Variants in DOCK4 observed in about 807,000 individuals in gnomAD.
DOCK4 encodes dedicator of cytokinesis protein 4.
DOCK4 carries 97 observed loss-of-function variants against 268.1 expected under a neutral mutation model. The observed-to-expected ratio is 0.36, with a 90% CI of 0.31 to 0.43. DOCK4 has a LOEUF of 0.43. Ranked by LOEUF, DOCK4 falls within the 20% of genes least tolerant of loss-of-function variation. The pLI is 1.00. For missense variants in DOCK4, 2,145 were observed against 2,455.7 expected (o/e 0.87, Z 2.67); for synonymous variants, 954 against 887.2 (o/e 1.08, Z -1.34).
At chr7:112,064,153 C>T (rs886971324) in intron 1 of DOCK4, among the ~76,000 whole-genome samples, 1 of 152,178 alleles carries the variant, frequency 6.6e-6, no homozygotes, top group Non-Finnish European at 1.5e-5. Flanking sequence ...ATGGCAGCAG[C>T]TTTGTGGATC....
chr7:112,099,126 C>CA (rs11375540), intron 1 of DOCK4, among the ~76,000 whole-genome samples: 57,289 of 150,826 alleles, frequency 0.38, 11,192 homozygotes, highest in Non-Finnish European at 0.43. Context: ...CTCGTCTCTA[C>CA]AAAAAAATAC....
intron 1 of DOCK4, among the ~76,000 whole-genome samples, chr7:112,056,619 C>A (rs1400399863): frequency 7.2e-5 from 11 of 152,102 alleles, no homozygotes; most frequent in Admixed American, 6.5e-5. Context: ...TGCACCTGGG[C>A]CCAGCTAAGT....
At chr7:112,159,360 C>G (rs1455217283) in intron 1 of DOCK4, among the ~76,000 whole-genome samples, 1 of 152,066 alleles carries the variant, frequency 6.6e-6, no homozygotes, top group Admixed American at 6.6e-5. Flanking sequence ...ATCCTCATCG[C>G]TCCCTGGTGC....
chr7:112,072,666 T>C (rs1448430839), intron 1 of DOCK4, among the ~76,000 whole-genome samples: 2 of 152,148 alleles, frequency 1.3e-5, no homozygotes, highest in African/African-American at 4.8e-5. Flanking sequence ...CAGGAGGTTG[T>C]TAAACTGTCT....
At chr7:111,755,027 G>C (rs1451860971) in intron 42 of DOCK4, among the ~76,000 whole-genome samples, 1 of 152,202 alleles carries the variant, frequency 6.6e-6, no homozygotes. Flanking sequence ...TTTGGAATCA[G>C]AAATATCTGG....
intron 12 of DOCK4, among the ~76,000 whole-genome samples, chr7:111,934,537 T>TTG (rs1562907512): frequency 0.012 from 1,783 of 144,328 alleles, 62 homozygotes; most frequent in African/African-American, 0.044. Flanking sequence ...TTTTTTTTTT[T>TTG]TTTTTTTTTT....
chr7:111,987,218 A>G (rs1406186177), intron 6 of DOCK4, among the ~76,000 whole-genome samples: 1 of 152,212 alleles, frequency 6.6e-6, no homozygotes, highest in Admixed American at 6.5e-5. Context: ...AACTGCCCAA[A>G]GTACAAGCCA....
chr7:112,067,801 T>C (rs991278739), intron 1 of DOCK4, among the ~76,000 whole-genome samples: 4 of 152,198 alleles, frequency 2.6e-5, no homozygotes, highest in African/African-American at 9.7e-5. Flanking sequence ...AGGAAACGTT[T>C]CAATGCTTAC....
intron 1 of DOCK4, among the ~76,000 whole-genome samples, chr7:112,173,221 G>A (rs998725062): frequency 6.6e-6 from 1 of 152,162 alleles, no homozygotes; most frequent in Non-Finnish European, 1.5e-5. Context: ...CAGCTAAAAA[G>A]CATGATTTCC....
intron 23 of DOCK4, among the ~76,000 whole-genome samples, chr7:111,860,343 G>C (rs6971783): frequency 0.019 from 2,916 of 152,264 alleles, 106 homozygotes; most frequent in African/African-American, 0.066. Flanking sequence ...ACACTTCCTA[G>C]TTTTCCCCAT....
chr7:111,750,533 T>G (rs1230705213), intron 42 of DOCK4, among the ~76,000 whole-genome samples: 2 of 152,212 alleles, frequency 1.3e-5, no homozygotes, highest in Admixed American at 1.3e-4. Flanking sequence ...TGAGGAACCC[T>G]GTGAACCTCA....
chr7:112,090,303 G>A (rs1245063253), intron 1 of DOCK4, among the ~76,000 whole-genome samples: 1 of 152,056 alleles, frequency 6.6e-6, no homozygotes, highest in Non-Finnish European at 1.5e-5. Flanking sequence ...TTTTGAGATT[G>A]GGGGGAAGAA....
At chr7:111,948,509 G>T (rs1450945399) in intron 8 of DOCK4, among the ~76,000 whole-genome samples, 3 of 152,116 alleles carry the variant, frequency 2.0e-5, no homozygotes, top group Non-Finnish European at 4.4e-5. Flanking sequence ...TGGGTTAAGA[G>T]GAATGAAAGA....
At chr7:112,042,243 AG>A (rs1804444693) in intron 1 of DOCK4, among the ~76,000 whole-genome samples, 1 of 152,238 alleles carries the variant, frequency 6.6e-6, no homozygotes. Context: ...TTCCTCATTT[AG>A]TGAACCCTAT....
intron 36 of DOCK4, among the ~76,000 whole-genome samples, chr7:111,774,131 T>C (rs1798300204): frequency 6.6e-6 from 1 of 152,156 alleles, no homozygotes; most frequent in Non-Finnish European, 1.5e-5. Flanking sequence ...AACCATATAA[T>C]ATGCAATTAT....
At chr7:111,860,910 C>T (rs1036194254) in intron 23 of DOCK4, among the ~76,000 whole-genome samples, 3 of 152,196 alleles carry the variant, frequency 2.0e-5, no homozygotes, top group African/African-American at 7.2e-5. Context: ...AGGCAATGAA[C>T]ACAAACCCCT....
chr7:112,088,476 C>T (rs1375836726), intron 1 of DOCK4, among the ~76,000 whole-genome samples: 1 of 152,084 alleles, frequency 6.6e-6, no homozygotes, highest in African/African-American at 2.4e-5. Flanking sequence ...CACATAGAAA[C>T]ACCCAAACTC....
intron 12 of DOCK4, among the ~76,000 whole-genome samples, chr7:111,934,537 T>G (rs915931880): frequency 8.3e-5 from 12 of 144,268 alleles, no homozygotes; most frequent in African/African-American, 2.6e-4. Context: ...TTTTTTTTTT[T>G]TTTTTTTTTT....
intron 7 of DOCK4, among the ~76,000 whole-genome samples, chr7:111,980,612 T>C (rs1338023303): frequency 6.6e-6 from 1 of 152,226 alleles, no homozygotes; most frequent in African/African-American, 2.4e-5. Flanking sequence ...TATTTCCTTG[T>C]TGTGGGGGCT....
Sources: allele counts gnomAD v4.1 joint callset (sites outside exome capture counted in the v4.1 genomes callset), GRCh38; gene constraint gnomAD v4.1.1; transcripts MANE v1.5; gene names NCBI Gene and HGNC (gene_info 2026-07-23, HGNC 2026-07-21).